NRG3: variants seen among roughly 807,000 people sequenced by gnomAD.
NRG3 encodes neuregulin 3, also known as pro-neuregulin-3, membrane-bound isoform.
In NRG3, 31 loss-of-function variants were observed where a neutral mutation model predicts 66.9. The observed-to-expected ratio is 0.46, with a 90% confidence interval of 0.35 to 0.63. The LOEUF (loss-of-function observed/expected upper bound fraction) is 0.63. NRG3 is among the 20% of genes least tolerant of loss of function. The probability of loss-of-function intolerance (pLI) is 0.00; values close to 1 mark genes in which losing one functional copy is unlikely to be tolerated. For synonymous variants in NRG3, 393 were observed against 359.4 expected (o/e 1.09, Z -1.06); for missense variants, 910 against 878.9 (o/e 1.04, Z -0.45).
chr10:82,842,766 C>T (rs1360929129), intron 3 of NRG3, among the ~76,000 whole-genome samples: 1 of 152,062 alleles, frequency 6.6e-6, no homozygotes, highest in Admixed American at 6.6e-5. Flanking sequence ...GTCACCCATA[C>T]CAGAGTTGTA....
At chr10:82,359,919 C>G (rs1438670221) in intron 2 of NRG3, among the ~76,000 whole-genome samples, 1 of 152,086 alleles carries the variant, frequency 6.6e-6, no homozygotes. Flanking sequence ...TGCCTGGATC[C>G]AAGAGCCAGG....
chr10:82,110,639 G>A (rs1163184976), intron 1 of NRG3, among the ~76,000 whole-genome samples: 1 of 151,972 alleles, frequency 6.6e-6, no homozygotes, highest in African/African-American at 2.4e-5. Flanking sequence ...GTTATGAATT[G>A]AATATGGAGT....
chr10:82,551,606 G>GTTT (rs773523337), intron 2 of NRG3, among the ~76,000 whole-genome samples: 134 of 146,844 alleles, frequency 9.1e-4, no homozygotes, highest in African/African-American at 3.0e-3. Flanking sequence ...TTAAAATACT[G>GTTT]TTTTTTTTTT....
chr10:82,362,567 T>TTTTTTTTTTTTTTTTG (rs1273821084), intron 2 of NRG3, among the ~76,000 whole-genome samples: 3 of 148,328 alleles, frequency 2.0e-5, no homozygotes, highest in African/African-American at 5.0e-5. Context: ...TTTTTTTTTT[T>TTTTTTTTTTTTTTTTG]TTCGTAGAAA....
At chr10:82,300,045 A>G (rs1330498864) in intron 1 of NRG3, among the ~76,000 whole-genome samples, 1 of 152,100 alleles carries the variant, frequency 6.6e-6, no homozygotes, top group East Asian at 1.9e-4. Flanking sequence ...CACACACACC[A>G]TGTGTTTGTG....
chr10:82,862,643 G>A (rs1227513553), intron 3 of NRG3, among the ~76,000 whole-genome samples: 1 of 152,096 alleles, frequency 6.6e-6, no homozygotes, highest in African/African-American at 2.4e-5. Flanking sequence ...CTCAGATTTT[G>A]AGAGCTAATC....
chr10:82,076,742 AG>A (rs1416236176), intron 1 of NRG3, among the ~76,000 whole-genome samples: 1 of 152,156 alleles, frequency 6.6e-6, no homozygotes, highest in Non-Finnish European at 1.5e-5. Flanking sequence ...TTCTGCCATA[AG>A]TGGAAACTTC....
At chr10:82,129,655 C>T (rs1011419965) in intron 1 of NRG3, among the ~76,000 whole-genome samples, 3 of 152,018 alleles carry the variant, frequency 2.0e-5, no homozygotes, top group African/African-American at 7.2e-5. Flanking sequence ...CTCACTGCAA[C>T]CTCCACCTTC....
chr10:82,142,922 G>GTTTTTTTT (rs11286244), intron 1 of NRG3, among the ~76,000 whole-genome samples: 1 of 118,970 alleles, frequency 8.4e-6, no homozygotes, highest in African/African-American at 3.1e-5. Context: ...ACCTGGCTAA[G>GTTTTTTTT]TTTTTTTTTT....
In NRG3 at chr10:81,973,704, C is replaced by T. The variant is rs767762806; in HGVS notation, c.823+97541C>T. Among the ~76,000 whole-genome samples, 26 of 152,004 alleles carry T rather than the reference C, an allele frequency of 1.7e-4. 1 individual carries two copies. Among genetic ancestry groups the T allele is most frequent in the Admixed American group, 1.0e-3 (16 of 15,250 alleles). On this transcript the variant is annotated intron_variant, in intron 1 of 8. Coordinates refer to ENST00000372141, the MANE Select transcript of NRG3 (RefSeq NM_001010848.4). ...TATATGATTGTTACTGCATATATGT[C>T]TTCTTTTGAAAAATGTCTGTTATGT...
chr10:82,451,516 G>C (rs2091016580), intron 2 of NRG3, among the ~76,000 whole-genome samples: 1 of 152,268 alleles, frequency 6.6e-6, no homozygotes, highest in East Asian at 1.9e-4. Context: ...AGGAGTGATG[G>C]TGTGGGGAGC....
intron 2 of NRG3, among the ~76,000 whole-genome samples, chr10:82,427,216 C>G (rs1353528670): frequency 1.3e-5 from 2 of 152,094 alleles, no homozygotes; most frequent in Non-Finnish European, 2.9e-5. Flanking sequence ...ACCTATACTG[C>G]AATGTTGAAT....
chr10:82,482,586 A>G (rs1262686025), intron 2 of NRG3, among the ~76,000 whole-genome samples: 1 of 152,148 alleles, frequency 6.6e-6, no homozygotes, highest in Non-Finnish European at 1.5e-5. Flanking sequence ...GATAGGCACC[A>G]TCAAAGGGAC....
chr10:82,925,705 A>C (rs965498083), intron 4 of NRG3, among the ~76,000 whole-genome samples: 1 of 152,238 alleles, frequency 6.6e-6, no homozygotes, highest in African/African-American at 2.4e-5. Flanking sequence ...AGGTAGGTAC[A>C]GTTATTTATA....
chr10:82,077,697 T>C (rs2065163826), intron 1 of NRG3, among the ~76,000 whole-genome samples: 3 of 152,230 alleles, frequency 2.0e-5, no homozygotes, highest in African/African-American at 7.2e-5. Flanking sequence ...CACGTCTTTC[T>C]ATAGGGAGCA....
In NRG3 at chr10:82,212,001, G is replaced by T. The variant is rs544193516; in HGVS notation, c.824-146738G>T. ...CTGTGCTCTCAGTATGGAGTAGGGGGTGGTGGAAACAGGAGGCATATATTT... is the reference window on the plus strand; with the variant it reads ...CTGTGCTCTCAGTATGGAGTAGGGGTTGGTGGAAACAGGAGGCATATATTT... On this transcript the variant is annotated intron_variant, in intron 1 of 8. Coordinates refer to ENST00000372141, the MANE Select transcript of NRG3 (RefSeq NM_001010848.4). 9.1e-4 allele frequency among the ~76,000 whole-genome samples: 138 copies of T among 152,280 alleles called. 1 individual carries two copies. Among genetic ancestry groups the T allele is most frequent in the Middle Eastern group, 3.4e-3 (1 of 294 alleles).
At chr10:82,591,364 C>A (rs533009331) in intron 2 of NRG3, among the ~76,000 whole-genome samples, 1 of 152,104 alleles carries the variant, frequency 6.6e-6, no homozygotes, top group South Asian at 2.1e-4. Context: ...TGCAACTGTG[C>A]GGTTTAAGTG....
chr10:82,971,085 A>C (rs990500946), intron 6 of NRG3, among the ~76,000 whole-genome samples: 1 of 152,160 alleles, frequency 6.6e-6, no homozygotes, highest in African/African-American at 2.4e-5. Flanking sequence ...AGAAAGGCGA[A>C]GGGTGCCATG....
chr10:82,514,567 A>G (rs990474848), intron 2 of NRG3, among the ~76,000 whole-genome samples: 43 of 152,134 alleles, frequency 2.8e-4, no homozygotes, highest in African/African-American at 1.0e-3. Flanking sequence ...TACCAGTACT[A>G]TGCTGGTTTT....
Sources: gnomAD v4.1 joint callset for allele counts (sites outside exome capture counted in the v4.1 genomes callset) on GRCh38, gnomAD v4.1.1 for gene constraint, MANE v1.5 for transcripts, NCBI Gene and HGNC (gene_info 2026-07-23, HGNC 2026-07-21) for gene names.